The following NBPF11 variants were observed in gnomAD, a reference collection of about 807,000 sequenced individuals.
NBPF11 encodes NBPF member 11.
A neutral mutation model predicts 93.9 loss-of-function variants in NBPF11; 72 were observed. The observed-to-expected ratio is 0.77, with a 90% confidence interval of 0.63 to 0.93. The LOEUF is 0.93. Among genes scored for constraint, NBPF11 ranks in the 40% least tolerant of loss-of-function variants. The pLI, the probability that NBPF11 is intolerant of heterozygous loss-of-function variation, is 0.00. For synonymous variants in NBPF11, 224 were observed against 304.9 expected, an observed-to-expected ratio of 0.73 and a Z score of 2.76; for missense variants, 705 against 802.2, an observed-to-expected ratio of 0.88 and a Z score of 1.46.
At chr1:148,122,367 G>C (rs1668072142) in intron 8 of NBPF11, 101 bp from the exon 9 acceptor site, 10 of 1,580,498 alleles carry the variant, frequency 6.3e-6, no homozygotes, top group Non-Finnish European at 8.7e-6. Flanking sequence ...TAAGAGAGTG[G>C]TCCCAGAAAA....
intron 5 of NBPF11, among the ~76,000 whole-genome samples, chr1:148,126,091 G>A (rs1168338180): frequency 6.6e-6 from 1 of 151,908 alleles, no homozygotes; most frequent in Non-Finnish European, 1.5e-5. Flanking sequence ...ACATCTGCCT[G>A]CTGGGTTCAA....
intron 2 of NBPF11, among the ~76,000 whole-genome samples, chr1:148,139,206 T>A (rs1259778932): frequency 1.3e-5 from 2 of 151,252 alleles, no homozygotes; most frequent in African/African-American, 4.9e-5. Flanking sequence ...CCTTTTCTTG[T>A]GCTCACCAGA....
Position 148,102,493 on chromosome 1 carries a change from T to C in NBPF11, c.*1403A>G, listed in dbSNP as rs1289856979. On this transcript the variant is annotated 3_prime_UTR_variant, in exon 24 of 24. Coordinates refer to ENST00000682118, the MANE Select transcript of NBPF11 (RefSeq NM_001385469.3). ...CTTAACCAAGTAACCAGTCCTGATATCATAATGGTGTTGGACAAACTAGAC... is the reference window on the plus strand; with the variant it reads ...CTTAACCAAGTAACCAGTCCTGATACCATAATGGTGTTGGACAAACTAGAC... The C allele has an allele frequency of 6.6e-6, 1 of 151,800 alleles. No homozygotes were observed. Among genetic ancestry groups the C allele is most frequent in the African/African-American group, 2.4e-5 (1 of 41,110 alleles). The allele number at this position is 151,800 out of a possible 1,614,324, so 9.4% of individuals were successfully genotyped here.
intron 4 of NBPF11, among the ~76,000 whole-genome samples, chr1:148,130,957 A>T (rs1670223650): frequency 6.6e-6 from 1 of 151,908 alleles, no homozygotes; most frequent in African/African-American, 2.4e-5. Context: ...TGTCTTGTAA[A>T]TACTGAGTAG....
intron 18 of NBPF11, 56 bp downstream of exon 18, chr1:148,108,426 T>C: frequency 2.6e-6 from 3 of 1,163,000 alleles, no homozygotes; most frequent in South Asian, 1.2e-5. Flanking sequence ...AGTAGGAATA[T>C]GACCCTAAAC....
In NBPF11 at chr1:148,115,164, C is replaced by CAAAAAAAA. The variant is rs57869119; in HGVS notation, c.1585+621_1585+628dup. Among the ~76,000 whole-genome samples the CAAAAAAAA allele has an allele frequency of 4.1e-4, 5 of 12,160 alleles. 1 individual carries two copies. The highest frequency in any genetic ancestry group is 6.4e-4 in the Non-Finnish European group (5 of 7,786). 8.0% of individuals were successfully genotyped at this position (12,160 alleles called of 152,430 possible). On this transcript the variant is annotated intron_variant, in intron 14 of 23. Coordinates refer to ENST00000682118, the MANE Select transcript of NBPF11 (RefSeq NM_001385469.3). ...TAGGTGACAGAGCAGGACTCCATCA[C>CAAAAAAAA]AAAAAAAAAAAAAAAAAAAAAAAAA...
intron 1 of NBPF11, chr1:148,146,299 G>C (rs1387591443): frequency 7.4e-7 from 1 of 1,346,732 alleles, no homozygotes; most frequent in Non-Finnish European, 9.5e-7. Context: ...CCCCCTGCCC[G>C]CGACTCGGAG....
intron 5 of NBPF11, among the ~76,000 whole-genome samples, chr1:148,126,612 A>C (rs1474484027): frequency 6.6e-6 from 1 of 151,854 alleles, no homozygotes; most frequent in Non-Finnish European, 1.5e-5. Context: ...TTAGAAATCA[A>C]TAACTGTGAG....
At position 148,146,605 on chromosome 1, in the gene NBPF11, A is replaced by T. The variant is rs1673135843; in HGVS notation, c.-548-2919T>A. 1.5e-5 allele frequency: 24 copies of T among 1,610,100 alleles called. No individual in the cohort carries two copies. In the South Asian group the frequency reaches 2.4e-4, roughly 16 times the overall value. ...ACCCGGGCGCTGGAAGCTGCACCTG[A>T]CGGAGCGTGCCGACTTCCAGTACAG... is the stretch of plus-strand genomic sequence containing the variant. On this transcript the variant is annotated intron_variant, in intron 1 of 23. Coordinates refer to ENST00000682118, the MANE Select transcript of NBPF11 (RefSeq NM_001385469.3).
intron 7 of NBPF11, 126 bp from the exon 8 acceptor site, chr1:148,122,927 T>C (rs1467987021): frequency 1.9e-6 from 3 of 1,558,200 alleles, no homozygotes; most frequent in Non-Finnish European, 2.6e-6. Flanking sequence ...CTCTCATGTT[T>C]TATCCTTCAC....
intron 5 of NBPF11, 38 bp downstream of exon 5, chr1:148,126,791 A>C: frequency 6.2e-7 from 1 of 1,602,286 alleles, no homozygotes; most frequent in Non-Finnish European, 8.5e-7. Context: ...AGTGTCTCAC[A>C]TTCATCACTT....
Position 148,122,090 on chromosome 1 carries a change from T to G in NBPF11, c.743A>C (p.His248Pro). The part of the protein sequence containing the change: ...SSLVVDRESS[H>P]DGCQDALNIL... ...GTTTAGAGCATCCTGACATCCATCA[T>G]GAGAGGATTCTCTGTCTACAACCAG... Residue 248 changes from histidine to proline, a missense_variant, in exon 9 of 24, where the codon CAT (histidine) becomes CCT (proline). Physicochemically the swap from His to Pro is moderately conservative, Grantham distance 77. Transcript: ENST00000682118. 1 of 1,612,622 alleles carries G rather than the reference T, an allele frequency of 6.2e-7. No individual in the cohort carries two copies. The highest frequency in any genetic ancestry group is 8.5e-7 in the Non-Finnish European group (1 of 1,178,760).
At chr1:148,142,119 A>G (rs1280818414) in intron 2 of NBPF11, among the ~76,000 whole-genome samples, 1 of 149,894 alleles carries the variant, frequency 6.7e-6, no homozygotes, top group African/African-American at 2.5e-5. Context: ...GGAAAGAATA[A>G]AGAGAGAGAG....
rs1665426862 is a variant in NBPF11, at chr1:148,112,117, A to G, written c.1638-1576T>C. On this transcript the variant is annotated intron_variant, in intron 15 of 23. Transcript: ENST00000682118. ...ATATTCAACATTCTTTTTTTTCCAT[A>G]TGTATAGTTTTCCTTTATTATTTTT... 1.5e-5 allele frequency among the ~76,000 whole-genome samples: 2 copies of G among 137,182 alleles called. 1 individual carries two copies. The highest frequency in any genetic ancestry group is 3.1e-5 in the Non-Finnish European group (2 of 65,484). The allele number at this position is 137,182 out of a possible 152,430, so 90.0% of individuals were successfully genotyped here. A position where few individuals can be genotyped will look rare whatever the true frequency, so the allele number is the denominator to read the frequency against.
At position 148,124,822 on chromosome 1, in the gene NBPF11, A is replaced by G. The variant is rs1445616094; in HGVS notation, c.278+77T>C. ...CTTCCCCTGGCCCAGCTTCGTTCTT[A>G]CTTCTCCCCGCCGAGCTGCTGTACT... On this transcript the variant is annotated intron_variant, in intron 6 of 23. Transcript: ENST00000682118. The G allele has an allele frequency of 2.0e-6, 3 of 1,531,646 alleles. No homozygotes were observed. In the African/African-American group the frequency reaches 4.1e-5, roughly 21 times the overall value. 94.9% of individuals were successfully genotyped at this position (1,531,646 alleles called of 1,614,324 possible). A position where few individuals can be genotyped will look rare whatever the true frequency, so the allele number is the denominator to read the frequency against.
rs1233300058 is a variant in NBPF11 at position 148,146,210 on chromosome 1, C to G, written c.-548-2524G>C. 5.9e-5 allele frequency among the ~76,000 whole-genome samples: 9 copies of G among 151,698 alleles called. No individual in the cohort carries two copies. The East Asian group carries it at 1.2e-3, about 20-fold the overall frequency. On this transcript the variant is annotated intron_variant, in intron 1 of 23. Transcript: ENST00000682118. Reference sequence around the variant, plus strand: ...TGTGGTTGCGAGGCTCCCTGGGGCTCGGCTTGGACCGCGATGGGGCTGGGC... The same window carrying G: ...TGTGGTTGCGAGGCTCCCTGGGGCTGGGCTTGGACCGCGATGGGGCTGGGC...
chr1:148,106,901 G>A, intron 20 of NBPF11, 41 bp downstream of exon 20: 1 of 714,724 alleles, frequency 1.4e-6, no homozygotes, highest in Non-Finnish European at 2.5e-6. Flanking sequence ...CTATCTGGAA[G>A]GCCAGGTGGA....
chr1:148,151,185 A>G (rs1487383582), intron 1 of NBPF11, among the ~76,000 whole-genome samples: 1 of 151,898 alleles, frequency 6.6e-6, no homozygotes, highest in Non-Finnish European at 1.5e-5. Flanking sequence ...CCAACCTACC[A>G]GAAATCCTGT....
chr1:148,125,163 T>C (rs1668806970), intron 5 of NBPF11, among the ~76,000 whole-genome samples, 162 bp from the exon 6 acceptor site: 1 of 152,024 alleles, frequency 6.6e-6, no homozygotes, highest in Non-Finnish European at 1.5e-5. Flanking sequence ...CTTCTGACTT[T>C]CTGGCATCTG....
Sources: gnomAD v4.1 joint callset for allele counts (sites outside exome capture counted in the v4.1 genomes callset) on GRCh38, gnomAD v4.1.1 for gene constraint, MANE v1.5 for transcripts, NCBI Gene and HGNC (gene_info 2026-07-23, HGNC 2026-07-21) for gene names.